The following FANCI variants were observed in gnomAD, a reference collection of about 807,000 sequenced individuals.
FANCI encodes the protein Fanconi anemia group I protein.
Under a neutral mutation model 176.1 loss-of-function variants are expected in FANCI, and 156 were observed. The observed-to-expected ratio is 0.89, with a 90% CI of 0.78 to 1.01. The LOEUF (loss-of-function observed/expected upper bound fraction) is 1.01. Ranked by LOEUF, FANCI falls within the 50% of genes least tolerant of loss-of-function variation. The probability of loss-of-function intolerance (pLI) is 0.00; values close to 1 mark genes in which losing one functional copy is unlikely to be tolerated. For missense variants in FANCI, 1,678 were observed against 1,534.1 expected, an observed-to-expected ratio of 1.09 and a Z score of -1.57; for synonymous variants, 613 against 541.7, an observed-to-expected ratio of 1.13 and a Z score of -1.83.
chr15:89,283,077 C>T (rs2053676968), intron 16 of FANCI, 59 bp from the exon 17 acceptor site: 13 of 1,564,642 alleles, frequency 8.3e-6, no homozygotes, highest in Non-Finnish European at 1.1e-5. Context: ...ATTTTTCTGA[C>T]CCAGAAGCAT....
chr15:89,302,315 A>C (rs1232404435), intron 27 of FANCI, among the ~76,000 whole-genome samples: 1 of 152,114 alleles, frequency 6.6e-6, no homozygotes, highest in Admixed American at 6.5e-5. Flanking sequence ...ACTTCATCCC[A>C]GTTCCAAACA....
intron 25 of FANCI, 112 bp downstream of exon 25, chr15:89,300,078 C>A (rs2054471602): frequency 7.9e-7 from 1 of 1,269,118 alleles, no homozygotes; most frequent in Non-Finnish European, 1.1e-6. Flanking sequence ...CCTAATGTTG[C>A]TAAGGAGTGA....
At chr15:89,283,863 C>T (rs572673093) in intron 17 of FANCI, among the ~76,000 whole-genome samples, 16 of 151,772 alleles carry the variant, frequency 1.1e-4, no homozygotes, top group African/African-American at 3.6e-4. Flanking sequence ...CCCGGGTTCA[C>T]GCCATTCTCC....
chr15:89,261,486 G>A (rs998954982), intron 4 of FANCI, 99 bp from the exon 5 acceptor site: 6 of 1,454,040 alleles, frequency 4.1e-6, no homozygotes, highest in Non-Finnish European at 4.8e-6. Context: ...TCTGGATCTC[G>A]GTCAATTCAT....
At chr15:89,277,961 T>C (rs1216049796) in intron 13 of FANCI, among the ~76,000 whole-genome samples, 1 of 152,228 alleles carries the variant, frequency 6.6e-6, no homozygotes, top group Non-Finnish European at 1.5e-5. Flanking sequence ...AGAATAGTTC[T>C]TGAGAGTTAT....
chr15:89,282,800 A>G (rs1041004899), intron 16 of FANCI: 2 of 353,070 alleles, frequency 5.7e-6, no homozygotes, highest in Non-Finnish European at 1.1e-5. Flanking sequence ...CACTCCTTCA[A>G]ACATGGCAAA....
At chr15:89,267,622 G>A (rs1247709627) in intron 9 of FANCI, among the ~76,000 whole-genome samples, 3 of 151,902 alleles carry the variant, frequency 2.0e-5, no homozygotes, top group African/African-American at 7.3e-5. Context: ...TTTATTTTAC[G>A]AAATCTTGTA....
chr15:89,299,837 G>T lies in FANCI; in HGVS notation c.2674G>T (p.Val892Leu), dbSNP rs760751687. The change falls in exon 25 of 38, where the codon GTG becomes TTG. Residue 892 changes from valine to leucine, a missense_variant. Val to Leu is a conservative substitution (Grantham distance 32). This residue lies in a region of FANCI where 1,204 missense variants were observed against 1,077.4 expected (regional missense o/e 1.12). Transcript: ENST00000310775. ...LWRYTSIPTS[V>L]EESGKKEKGK... ...GAGATACACTTCAATTCCTACTTCA[G>T]TGGAAGAGTCGGGAAAGAAAGAGAA... The T allele has an allele frequency of 1.9e-6, 3 of 1,613,954 alleles. No individual in the cohort carries two copies. In the East Asian group the frequency reaches 6.7e-5, roughly 36 times the overall value.
intron 22 of FANCI, 36 bp downstream of exon 22, chr15:89,293,099 G>T (rs373161547): frequency 1.2e-6 from 2 of 1,605,642 alleles, no homozygotes; most frequent in South Asian, 1.1e-5. Flanking sequence ...GTAATTTGAT[G>T]AATTCTCCAT....
chr15:89,297,121 G>A (rs1339293341), intron 24 of FANCI, among the ~76,000 whole-genome samples: 5 of 151,274 alleles, frequency 3.3e-5, no homozygotes, highest in Non-Finnish European at 7.4e-5. Context: ...CTTCTCAGAC[G>A]GGGCGGCTGC....
At position 89,278,682 on chromosome 15, in the gene FANCI, T is replaced by C. The variant is rs1313732959; in HGVS notation, c.1294-5T>C. ...GGAATATTTTATTTATTCTGTTCTT[T>C]TTAGATCCATGAGATGATCAGACAA... is the stretch of plus-strand genomic sequence containing the variant. On this transcript the variant is annotated splice_region_variant and splice_polypyrimidine_tract_variant and intron_variant, in intron 13 of 37. Coordinates refer to ENST00000310775, the MANE Select transcript of FANCI (RefSeq NM_001113378.2). 11 of 1,610,444 alleles carry C rather than the reference T, an allele frequency of 6.8e-6. No homozygotes were observed. The highest frequency in any genetic ancestry group is 6.8e-6 in the Non-Finnish European group (8 of 1,176,872).
intron 11 of FANCI, 119 bp from the exon 12 acceptor site, chr15:89,274,049 T>C (rs1220062760): frequency 1.3e-6 from 1 of 780,952 alleles, no homozygotes; most frequent in Admixed American, 2.7e-5. Context: ...GTTATAAGGT[T>C]AAGATTTATA....
intron 2 of FANCI, among the ~76,000 whole-genome samples, chr15:89,253,544 T>TAAC (rs66734713): frequency 3.0e-4 from 28 of 93,622 alleles, no homozygotes; most frequent in Non-Finnish European, 4.9e-4. Context: ...AATAAATAAA[T>TAAC]AAGTATATGT....
chr15:89,271,064 T>C (rs1042468873), intron 10 of FANCI, among the ~76,000 whole-genome samples: 3 of 152,196 alleles, frequency 2.0e-5, no homozygotes, highest in Admixed American at 6.5e-5. Context: ...TGTTTTCTTT[T>C]TGTTTTCCAT....
At chr15:89,267,123 C>G (rs553730692) in intron 9 of FANCI, among the ~76,000 whole-genome samples, 2 of 151,950 alleles carry the variant, frequency 1.3e-5, no homozygotes, top group Non-Finnish European at 2.9e-5. Context: ...GAGTTCAAGA[C>G]CAGCCTGGAT....
chr15:89,268,359 C>A (rs778351627), intron 9 of FANCI, 40 bp from the exon 10 acceptor site: 1 of 1,612,850 alleles, frequency 6.2e-7, no homozygotes, highest in Non-Finnish European at 8.5e-7. Context: ...GCATGAGCCA[C>A]TGCACCTTAT....
intron 37 of FANCI, among the ~76,000 whole-genome samples, chr15:89,315,685 C>G (rs2055207633): frequency 6.6e-6 from 1 of 150,788 alleles, no homozygotes; most frequent in African/African-American, 2.4e-5. Context: ...TGATGACCAG[C>G]TATAGCAGTC....
chr15:89,295,238 G>T (rs1323853978), intron 24 of FANCI, 144 bp downstream of exon 24: 8 of 972,234 alleles, frequency 8.2e-6, no homozygotes, highest in Non-Finnish European at 1.0e-5. Context: ...CAGGTGGCAG[G>T]CACTTGTAAT....
rs1356916656 is a variant in FANCI at position 89,247,723 on chromosome 15, GA to G, written c.78del (p.Gly27ValfsTer3). The G allele has an allele frequency of 6.2e-7, 1 of 1,613,752 alleles. No individual in the cohort carries two copies. On this transcript the variant is annotated frameshift_variant, in exon 2 of 38. Coordinates refer to ENST00000310775, the MANE Select transcript of FANCI (RefSeq NM_001113378.2). LOFTEE classifies it high-confidence loss of function. ...GCAAGAATTTCTTCAAACCCTGAGAGAAGGTGATGTGAGTATTAGGAAGCAT... is the reference window on the plus strand; with the variant it reads ...GCAAGAATTTCTTCAAACCCTGAGAGAGGTGATGTGAGTATTAGGAAGCAT... The part of the protein sequence containing the change: ...KLQEFLQTLR[E>X]GDLTNLLQNQ...
Sources: allele counts gnomAD v4.1 joint callset (sites outside exome capture counted in the v4.1 genomes callset), GRCh38; gene constraint gnomAD v4.1.1; regional missense constraint gnomAD v4.1.1; transcripts MANE v1.5; gene names NCBI Gene and HGNC (gene_info 2026-07-23, HGNC 2026-07-21).